SEMA5A: variants seen among roughly 807,000 people sequenced by gnomAD.
The protein encoded by SEMA5A is semaphorin-5A.
A neutral mutation model predicts 135.5 loss-of-function variants in SEMA5A; 55 were observed. The ratio of observed to expected loss-of-function variants is 0.41; its 90% confidence interval spans 0.33 to 0.51. SEMA5A has a LOEUF of 0.51. SEMA5A is among the 20% of genes least tolerant of loss of function. The pLI is 0.37. For synonymous variants in SEMA5A, 580 were observed against 546.5 expected (o/e 1.06, Z -0.85); for missense variants, 1,290 against 1,419.9 (o/e 0.91, Z 1.47).
At chr5:9,103,905 A>G in intron 16 of SEMA5A, among the ~76,000 whole-genome samples, 1 of 152,190 alleles carries the variant, frequency 6.6e-6, no homozygotes, top group East Asian at 1.9e-4. Context: ...TGATCTCCTA[A>G]TAGTACTCTT....
intron 1 of SEMA5A, among the ~76,000 whole-genome samples, chr5:9,506,642 C>T (rs1486546603): frequency 6.6e-6 from 1 of 152,148 alleles, no homozygotes; most frequent in Non-Finnish European, 1.5e-5. Flanking sequence ...TTCAATGCAT[C>T]CCTTACAAAT....
chr5:9,046,669 G>A (rs908941742), intron 21 of SEMA5A, among the ~76,000 whole-genome samples: 5 of 152,160 alleles, frequency 3.3e-5, no homozygotes, highest in Admixed American at 1.3e-4. Flanking sequence ...GGCAGAGGTC[G>A]GATATCTCTC....
chr5:9,414,066 C>A (rs1330430284), intron 2 of SEMA5A, among the ~76,000 whole-genome samples: 2 of 151,868 alleles, frequency 1.3e-5, no homozygotes, highest in African/African-American at 2.4e-5. Context: ...TCTTGACTAA[C>A]AAGTGAGAGC....
intron 3 of SEMA5A, 105 bp from the exon 4 acceptor site, chr5:9,337,917 A>G: frequency 1.3e-6 from 1 of 746,398 alleles, no homozygotes; most frequent in Non-Finnish European, 2.1e-6. Flanking sequence ...TTCAGAGAGG[A>G]TTCGGAGGTC....
rs191995041 is a variant in SEMA5A, at chr5:9,364,327, C to T, written c.124+15496G>A. On this transcript the variant is annotated intron_variant, in intron 3 of 22. Coordinates refer to ENST00000382496, the MANE Select transcript of SEMA5A (RefSeq NM_003966.3). ...AAATGGTGTGAATAATGCCTTTGGC[C>T]CTTAATACAAACTTATTTTATAGCC... Among the ~76,000 whole-genome samples the T allele has an allele frequency of 1.7e-3, 262 of 152,134 alleles. 1 individual carries two copies. The highest frequency in any genetic ancestry group is 4.8e-3 in the African/African-American group (199 of 41,504).
chr5:9,137,281 T>G (rs1741812252), intron 12 of SEMA5A, among the ~76,000 whole-genome samples: 1 of 152,230 alleles, frequency 6.6e-6, no homozygotes, highest in Non-Finnish European at 1.5e-5. Context: ...CGTATTAAAA[T>G]TTTCAATTTA....
At chr5:9,313,652 A>T (rs1007387899) in intron 5 of SEMA5A, among the ~76,000 whole-genome samples, 21 of 152,188 alleles carry the variant, frequency 1.4e-4, no homozygotes, top group Admixed American at 8.5e-4. Flanking sequence ...AACAATAAGT[A>T]CTAGTCAGAA....
At chr5:9,059,752 G>T (rs1023889838) in intron 18 of SEMA5A, among the ~76,000 whole-genome samples, 1 of 152,092 alleles carries the variant, frequency 6.6e-6, no homozygotes, top group Admixed American at 6.6e-5. Flanking sequence ...TTTTTACCAT[G>T]TTGGCCAGGC....
At chr5:9,238,748 G>C (rs930413133) in intron 5 of SEMA5A, among the ~76,000 whole-genome samples, 1 of 151,008 alleles carries the variant, frequency 6.6e-6, no homozygotes, top group African/African-American at 2.4e-5. Context: ...ACTTTTATAG[G>C]GTAAAAATAT....
chr5:9,147,372 A>G (rs183330038), intron 12 of SEMA5A, among the ~76,000 whole-genome samples: 1 of 151,942 alleles, frequency 6.6e-6, no homozygotes, highest in Non-Finnish European at 1.5e-5. Context: ...TCCTGGGTTT[A>G]AGCGATTCTC....
At chr5:9,075,859 T>C (rs1738023832) in intron 16 of SEMA5A, among the ~76,000 whole-genome samples, 1 of 152,170 alleles carries the variant, frequency 6.6e-6, no homozygotes, top group Non-Finnish European at 1.5e-5. Flanking sequence ...AACTGTATGG[T>C]CTCAGAAAAA....
At chr5:9,315,347 C>T (rs1454731289) in intron 5 of SEMA5A, among the ~76,000 whole-genome samples, 4 of 152,084 alleles carry the variant, frequency 2.6e-5, no homozygotes, top group Admixed American at 2.0e-4. Context: ...TTTTAGCATG[C>T]TTTTCCAAAA....
chr5:9,071,301 T>A (rs1737755563), intron 16 of SEMA5A, among the ~76,000 whole-genome samples: 1 of 152,198 alleles, frequency 6.6e-6, no homozygotes, highest in African/African-American at 2.4e-5. Flanking sequence ...TTCTGTCCTC[T>A]CCATCTTAAT....
rs145274930 is a variant in SEMA5A at position 9,162,213 on chromosome 5, C to T, written c.1274-7518G>A. ...CTCTTTTATGAATAACCCTGACTGA[C>T]CTCCCAAACAGAAACACTGCGGCCA... On this transcript the variant is annotated intron_variant, in intron 11 of 22. Coordinates refer to ENST00000382496, the MANE Select transcript of SEMA5A (RefSeq NM_003966.3). Among the ~76,000 whole-genome samples, 347 of 152,156 alleles carry T rather than the reference C, an allele frequency of 2.3e-3. 1 individual carries two copies. Among genetic ancestry groups the T allele is most frequent in the Non-Finnish European group, 9.7e-4 (66 of 68,020 alleles).
At chr5:9,478,565 A>G (rs1181955154) in intron 1 of SEMA5A, among the ~76,000 whole-genome samples, 3 of 152,120 alleles carry the variant, frequency 2.0e-5, no homozygotes, top group Non-Finnish European at 4.4e-5. Flanking sequence ...GAGTCAAAGG[A>G]GATTATTTTG....
chr5:9,051,353 G>A (rs1736565270), intron 20 of SEMA5A, among the ~76,000 whole-genome samples: 1 of 152,106 alleles, frequency 6.6e-6, no homozygotes, highest in Non-Finnish European at 1.5e-5. Context: ...CATGCAACAA[G>A]TGATCAGCTA....
intron 11 of SEMA5A, among the ~76,000 whole-genome samples, chr5:9,181,577 T>C (rs1744512643): frequency 6.6e-6 from 1 of 152,102 alleles, no homozygotes; most frequent in African/African-American, 2.4e-5. Flanking sequence ...GTGCTTTATT[T>C]TGAGGCCTAA....
intron 1 of SEMA5A, chr5:9,498,922 C>T (rs1483139379): frequency 6.6e-6 from 1 of 152,178 alleles, no homozygotes; most frequent in Non-Finnish European, 1.5e-5. Context: ...TTAACAATTA[C>T]AGAATTCACT....
At chr5:9,368,495 T>C (rs1196389060) in intron 3 of SEMA5A, among the ~76,000 whole-genome samples, 1 of 152,234 alleles carries the variant, frequency 6.6e-6, no homozygotes, top group African/African-American at 2.4e-5. Context: ...TCACCACCTC[T>C]TCATCTTGAT....
Sources: allele counts gnomAD v4.1 joint callset (sites outside exome capture counted in the v4.1 genomes callset), GRCh38; gene constraint gnomAD v4.1.1; transcripts MANE v1.5; gene names NCBI Gene and HGNC (gene_info 2026-07-23, HGNC 2026-07-21).